Variants in TGM4 observed in about 807,000 individuals in gnomAD.
The protein encoded by TGM4 is transglutaminase 4, also known as protein-glutamine gamma-glutamyltransferase 4.
A neutral mutation model predicts 76.3 loss-of-function variants in TGM4; 61 were observed. The ratio of observed to expected loss-of-function variants is 0.80; its 90% confidence interval spans 0.65 to 0.99. The LOEUF (loss-of-function observed/expected upper bound fraction) is 0.99. Ranked by LOEUF, TGM4 falls within the 50% of genes least tolerant of loss-of-function variation. TGM4 has a pLI of 0.00. For synonymous variants in TGM4, 337 were observed against 329.8 expected (o/e 1.02, Z -0.24); for missense variants, 794 against 843.2 (o/e 0.94, Z 0.72).
chr3:44,910,476 T>G, intron 11 of TGM4, 108 bp downstream of exon 11: 1 of 1,370,418 alleles, frequency 7.3e-7, no homozygotes, highest in Non-Finnish European at 9.8e-7. Context: ...AATTTTTGTG[T>G]GTGAGTTAAC....
intron 1 of TGM4, among the ~76,000 whole-genome samples, chr3:44,883,143 C>T (rs571972850): frequency 8.5e-5 from 13 of 152,294 alleles, no homozygotes; most frequent in Non-Finnish European, 1.8e-4. Context: ...GATTGCTTTG[C>T]GATTGGCTCT....
intron 1 of TGM4, among the ~76,000 whole-genome samples, chr3:44,880,406 G>A (rs769251561): frequency 2.6e-5 from 4 of 152,218 alleles, no homozygotes; most frequent in African/African-American, 7.2e-5. Context: ...TCTACAGAAA[G>A]AGGTGATGTT....
intron 5 of TGM4, among the ~76,000 whole-genome samples, chr3:44,895,737 T>G (rs1384518250): frequency 1.3e-5 from 2 of 152,216 alleles, no homozygotes; most frequent in Non-Finnish European, 2.9e-5. Context: ...ATTCCTTTTA[T>G]TTTGGTAGTT....
At chr3:44,899,865 G>C (rs1038946257) in intron 6 of TGM4, among the ~76,000 whole-genome samples, 18 of 152,242 alleles carry the variant, frequency 1.2e-4, no homozygotes, top group African/African-American at 4.1e-4. Flanking sequence ...TAGCATGGCA[G>C]CCAGCTTCCA....
At chr3:44,889,755 T>G (rs1699663347) in intron 3 of TGM4, among the ~76,000 whole-genome samples, 1 of 152,196 alleles carries the variant, frequency 6.6e-6, no homozygotes, top group Non-Finnish European at 1.5e-5. Flanking sequence ...CCAATGGCCT[T>G]CTGGGACTCT....
intron 1 of TGM4, among the ~76,000 whole-genome samples, chr3:44,875,518 A>T (rs1449716720): frequency 6.6e-6 from 1 of 151,856 alleles, no homozygotes; most frequent in Non-Finnish European, 1.5e-5. Flanking sequence ...TCCCATGAGG[A>T]TGCAGCCGCC....
intron 10 of TGM4, among the ~76,000 whole-genome samples, chr3:44,907,529 A>G (rs954120032): frequency 1.3e-5 from 2 of 152,218 alleles, no homozygotes; most frequent in East Asian, 3.9e-4. Flanking sequence ...GCATTGTTTG[A>G]CCAGCTCATT....
At position 44,893,610 on chromosome 3, in the gene TGM4, G is replaced by C. The variant is rs147559877; in HGVS notation, c.464G>C (p.Arg155Pro). Residue 155 changes from arginine (R) to proline (P), a missense_variant, in exon 5 of 14, where the codon CGC becomes CCC. Arg to Pro is a moderately radical substitution (Grantham distance 103). Transcript: ENST00000296125. ...DMVFMPDEDE[R>P]KEYILNDTGC... ...GTTTTCATGCCTGATGAGGACGAGCGCAAAGAGTACATCCTCAATGACACG... is the reference window on the plus strand; with the variant it reads ...GTTTTCATGCCTGATGAGGACGAGCCCAAAGAGTACATCCTCAATGACACG... The C allele has an allele frequency of 1.2e-6, 2 of 1,613,836 alleles. No individual in the cohort carries two copies. Among genetic ancestry groups the C allele is most frequent in the Non-Finnish European group, 1.7e-6 (2 of 1,179,846 alleles).
chr3:44,875,163 T>C (rs771212683), intron 1 of TGM4, among the ~76,000 whole-genome samples: 4 of 152,230 alleles, frequency 2.6e-5, no homozygotes, highest in Non-Finnish European at 5.9e-5. Context: ...ACCATTTCAA[T>C]ACTGTTATCC....
chr3:44,892,946 A>G (rs1197195107), intron 4 of TGM4, among the ~76,000 whole-genome samples: 2 of 152,200 alleles, frequency 1.3e-5, no homozygotes, highest in African/African-American at 4.8e-5. Flanking sequence ...CCTTCTTGGA[A>G]AATCATATCT....
intron 1 of TGM4, among the ~76,000 whole-genome samples, chr3:44,878,158 G>T (rs1028521476): frequency 6.8e-6 from 1 of 147,992 alleles, no homozygotes; most frequent in Non-Finnish European, 1.5e-5. Flanking sequence ...CTCAAAAAAA[G>T]AAAAAAAAAT....
chr3:44,897,000 CTTTT>C (rs59154155), intron 6 of TGM4, among the ~76,000 whole-genome samples, 184 bp downstream of exon 6: 3 of 104,360 alleles, frequency 2.9e-5, no homozygotes, highest in East Asian at 3.3e-4. Flanking sequence ...GTTTTCTTTT[CTTTT>C]TTTTTTTTTT....
chr3:44,885,345 G>T lies in TGM4; in HGVS notation c.40G>T (p.Asp14Tyr). 6.2e-7 allele frequency: 1 copy of T among 1,608,894 alleles called. No homozygotes were observed. Among genetic ancestry groups the T allele is most frequent in the South Asian group, 1.1e-5 (1 of 90,816 alleles). The change falls in exon 2 of 14, where the codon GAC (aspartate) becomes TAC (tyrosine). Residue 14 changes from aspartate (D) to tyrosine (Y), a missense_variant. By Grantham distance (160) the Asp-to-Tyr change is radical. Coordinates refer to ENST00000296125, the MANE Select transcript of TGM4 (RefSeq NM_003241.4). ...ASKELQVLHI[D>Y]FLNQDNAVSH... ...GACAGAGCTGCAAGTTCTCCACATTGACTTCTTGAATCAGGACAACGCCGT... is the reference window on the plus strand; with the variant it reads ...GACAGAGCTGCAAGTTCTCCACATTTACTTCTTGAATCAGGACAACGCCGT...
intron 6 of TGM4, among the ~76,000 whole-genome samples, chr3:44,897,736 G>T (rs1327053563): frequency 1.3e-5 from 2 of 152,180 alleles, no homozygotes; most frequent in African/African-American, 4.8e-5. Context: ...AACTGAAAAG[G>T]TTAAAACTAT....
intron 2 of TGM4, among the ~76,000 whole-genome samples, chr3:44,887,045 G>T (rs1699617775): frequency 6.6e-6 from 1 of 152,250 alleles, no homozygotes; most frequent in Admixed American, 6.5e-5. Flanking sequence ...AAGTGCCAGG[G>T]CCCTGAGGAG....
intron 1 of TGM4, among the ~76,000 whole-genome samples, chr3:44,876,853 T>C (rs1047520961): frequency 3.3e-5 from 5 of 152,138 alleles, no homozygotes; most frequent in Non-Finnish European, 7.4e-5. Context: ...TGTTCTGTAG[T>C]ATAAAAAGAG....
chr3:44,890,617 C>A lies in TGM4; in HGVS notation c.315C>A (p.Val105=), dbSNP rs766872822. The A allele has an allele frequency of 1.9e-5, 31 of 1,614,116 alleles. No individual in the cohort carries two copies. Among genetic ancestry groups the A allele is most frequent in the Non-Finnish European group, 2.5e-5 (30 of 1,179,978 alleles). ...NESGKEVTVA[V]TSSPNAILGK... ...GGTTTGCTCAGGTCACAGTGGCTGT[C>A]ACCAGTTCCCCCAATGCCATCCTGG... The change falls in exon 4 of 14, where the codon GTC becomes GTA. Residue 105 remains valine (V), a synonymous_variant. Transcript: ENST00000296125.
chr3:44,896,228 C>A lies in TGM4; in HGVS notation c.550-481C>A, dbSNP rs1371722597. On this transcript the variant is annotated intron_variant, in intron 5 of 13. Coordinates refer to ENST00000296125, the MANE Select transcript of TGM4 (RefSeq NM_003241.4). ...CTGAGTTCAAGCGATTCTCCTGACTCAGCTTCCCGAGTAGCTGGGATTACA... is the reference window on the plus strand; with the variant it reads ...CTGAGTTCAAGCGATTCTCCTGACTAAGCTTCCCGAGTAGCTGGGATTACA... Among the ~76,000 whole-genome samples the A allele has an allele frequency of 4.6e-5, 7 of 152,296 alleles. No homozygotes were observed. The East Asian group carries it at 1.3e-3, about 29-fold the overall frequency.
chr3:44,882,988 T>A (rs1699553837), intron 1 of TGM4, among the ~76,000 whole-genome samples: 1 of 152,178 alleles, frequency 6.6e-6, no homozygotes, highest in African/African-American at 2.4e-5. Flanking sequence ...AGGATTTGGA[T>A]TTCTTAACTG....
Sources: gnomAD v4.1 joint callset for allele counts (sites outside exome capture counted in the v4.1 genomes callset) on GRCh38, gnomAD v4.1.1 for gene constraint, MANE v1.5 for transcripts, NCBI Gene and HGNC (gene_info 2026-07-23, HGNC 2026-07-21) for gene names.